The following TBCK variants were observed in gnomAD, a reference collection of about 807,000 sequenced individuals.
TBCK encodes TBC1 domain containing kinase.
Under a neutral mutation model 113.4 loss-of-function variants are expected in TBCK, and 99 were observed. The ratio of observed to expected loss-of-function variants is 0.87; its 90% CI spans 0.74 to 1.03. The LOEUF is 1.03. Ranked by LOEUF, TBCK falls within the 50% of genes least tolerant of loss-of-function variation. The pLI, the probability that TBCK is intolerant of heterozygous loss-of-function variation, is 0.00. For synonymous variants in TBCK, 369 were observed against 370.8 expected (o/e 1.00, Z 0.05); for missense variants, 1,045 against 1,061.3 (o/e 0.98, Z 0.21).
At chr4:106,249,944 A>G (rs1761244566) in intron 7 of TBCK, among the ~76,000 whole-genome samples, 1 of 152,078 alleles carries the variant, frequency 6.6e-6, no homozygotes, top group African/African-American at 2.4e-5. Flanking sequence ...AGATTACATA[A>G]ATTTTTATTA....
chr4:106,251,813 T>C, intron 6 of TBCK, 53 bp downstream of exon 6: 1 of 1,390,608 alleles, frequency 7.2e-7, no homozygotes, highest in Non-Finnish European at 9.5e-7. Context: ...CAAAAGATTA[T>C]TCCAATAAAT....
At chr4:106,061,665 TGA>T (rs150442903) in intron 25 of TBCK, among the ~76,000 whole-genome samples, 1 of 147,022 alleles carries the variant, frequency 6.8e-6, no homozygotes, top group East Asian at 1.9e-4. Flanking sequence ...TGTGTTTCTG[TGA>T]GTGTGTGTGT....
At chr4:106,241,431 G>C (rs1760126320) in intron 12 of TBCK, among the ~76,000 whole-genome samples, 1 of 151,814 alleles carries the variant, frequency 6.6e-6, no homozygotes, top group Non-Finnish European at 1.5e-5. Context: ...AGATGTTAAA[G>C]AGTTCCTACT....
intron 23 of TBCK, among the ~76,000 whole-genome samples, chr4:106,136,511 A>G (rs1337028280): frequency 7.1e-6 from 1 of 141,362 alleles, no homozygotes; most frequent in East Asian, 2.0e-4. Context: ...TTTCAAGTAT[A>G]GTATTCTGTG....
intron 9 of TBCK, chr4:106,247,528 T>C (rs1760976882): frequency 5.4e-6 from 2 of 368,256 alleles, no homozygotes. Flanking sequence ...AAAATATCAT[T>C]CCATAAAAGC....
At chr4:106,140,796 G>A (rs1747076557) in intron 23 of TBCK, among the ~76,000 whole-genome samples, 1 of 139,002 alleles carries the variant, frequency 7.2e-6, no homozygotes, top group Non-Finnish European at 1.6e-5. Context: ...ACCCAGTGGT[G>A]ATCAGAGACT....
chr4:106,225,849 C>T (rs1318617076), intron 19 of TBCK, among the ~76,000 whole-genome samples: 2 of 152,032 alleles, frequency 1.3e-5, no homozygotes, highest in Non-Finnish European at 2.9e-5. Context: ...TCTTGCATAT[C>T]TGTATAGTAT....
At chr4:106,142,832 A>T (rs555950234) in intron 23 of TBCK, among the ~76,000 whole-genome samples, 2 of 152,210 alleles carry the variant, frequency 1.3e-5, no homozygotes, top group Non-Finnish European at 2.9e-5. Context: ...ACATCACTAC[A>T]GGAGCTGTCT....
At chr4:106,117,613 C>T (rs1309828607) in intron 23 of TBCK, among the ~76,000 whole-genome samples, 1 of 152,130 alleles carries the variant, frequency 6.6e-6, no homozygotes, top group Non-Finnish European at 1.5e-5. Context: ...GAAGGATGAG[C>T]CTTTCCCCAT....
chr4:106,046,946 A>G (rs766522025), intron 25 of TBCK, among the ~76,000 whole-genome samples: 5 of 152,208 alleles, frequency 3.3e-5, no homozygotes, highest in Non-Finnish European at 5.9e-5. Flanking sequence ...TACATGGTAA[A>G]CAATTCAAAT....
chr4:106,254,196 T>C (rs1489441559), intron 5 of TBCK, among the ~76,000 whole-genome samples: 1 of 152,206 alleles, frequency 6.6e-6, no homozygotes, highest in Non-Finnish European at 1.5e-5. Context: ...CTGCCTGGCA[T>C]GTACAAAAAT....
intron 25 of TBCK, among the ~76,000 whole-genome samples, chr4:106,091,016 A>G (rs1740157486): frequency 6.6e-6 from 1 of 152,190 alleles, no homozygotes; most frequent in African/African-American, 2.4e-5. Flanking sequence ...CAGGTATTTA[A>G]CAGCAACACC....
At chr4:106,231,958 C>T (rs1229119633) in intron 17 of TBCK, among the ~76,000 whole-genome samples, 179 bp from the exon 18 acceptor site, 2 of 151,654 alleles carry the variant, frequency 1.3e-5, no homozygotes, top group Non-Finnish European at 3.0e-5. Flanking sequence ...GTGTAGCACA[C>T]AGTATGTGTC....
At chr4:106,073,662 A>T (rs533351587) in intron 25 of TBCK, among the ~76,000 whole-genome samples, 38 of 152,250 alleles carry the variant, frequency 2.5e-4, no homozygotes, top group Non-Finnish European at 5.0e-4. Context: ...TCAGACTGGG[A>T]CGTTTAAGTC....
chr4:106,181,121 A>G (rs1456494750), intron 22 of TBCK, among the ~76,000 whole-genome samples: 1 of 152,150 alleles, frequency 6.6e-6, no homozygotes, highest in African/African-American at 2.4e-5. Flanking sequence ...ATGACCAGTG[A>G]TGATGAGCAT....
chr4:106,236,661 A>G (rs1030715972), intron 13 of TBCK, 98 bp downstream of exon 13: 2 of 1,039,602 alleles, frequency 1.9e-6, no homozygotes, highest in African/African-American at 3.3e-5. Context: ...ATTATTTTCT[A>G]TTTAGGAAAC....
intron 23 of TBCK, among the ~76,000 whole-genome samples, chr4:106,131,102 T>C (rs775215521): frequency 7.2e-5 from 11 of 152,156 alleles, no homozygotes; most frequent in Non-Finnish European, 1.6e-4. Flanking sequence ...ACTGTTCTCA[T>C]GGTAGTGAGT....
chr4:106,298,671 C>T (rs911748803), intron 2 of TBCK, among the ~76,000 whole-genome samples: 4 of 151,942 alleles, frequency 2.6e-5, no homozygotes, highest in African/African-American at 9.7e-5. Context: ...TGAAAGTTCT[C>T]GACTTGATAA....
Position 106,116,887 on chromosome 4 carries a change from T to C in TBCK, c.2236-509A>G, listed in dbSNP as rs539039591. Among the ~76,000 whole-genome samples, 37 of 152,242 alleles carry C rather than the reference T, an allele frequency of 2.4e-4. 1 individual carries two copies. The East Asian group carries it at 5.6e-3, about 23-fold the overall frequency. On this transcript the variant is annotated intron_variant, in intron 23 of 25. Transcript: ENST00000394708. The stretch of plus-strand genomic sequence containing the variant: ...TGATTCTAGCTTATGGTAAGTTGTA[T>C]AATTATTTCATTTTATATTACAATG...
Sources: gnomAD v4.1 joint callset for allele counts (sites outside exome capture counted in the v4.1 genomes callset) on GRCh38, gnomAD v4.1.1 for gene constraint, MANE v1.5 for transcripts, NCBI Gene and HGNC (gene_info 2026-07-23, HGNC 2026-07-21) for gene names.